The following IMPACT variants were observed in gnomAD, a reference collection of about 807,000 sequenced individuals.
IMPACT encodes impact RWD domain protein.
IMPACT carries 35 observed loss-of-function variants against 47.5 expected under a neutral mutation model. The ratio of observed to expected loss-of-function variants is 0.74; its 90% confidence interval spans 0.56 to 0.98. The LOEUF (loss-of-function observed/expected upper bound fraction) is 0.98. IMPACT is among the 50% of genes least tolerant of loss of function. The probability of loss-of-function intolerance (pLI) is 0.00; values close to 1 mark genes in which losing one functional copy is unlikely to be tolerated. For missense variants in IMPACT, 373 were observed against 394.8 expected (o/e 0.94, Z 0.47); for synonymous variants, 118 against 125.6 (o/e 0.94, Z 0.40).
chr18:24,450,367 C>T (rs1909352432), intron 10 of IMPACT, among the ~76,000 whole-genome samples: 1 of 152,172 alleles, frequency 6.6e-6, no homozygotes, highest in South Asian at 2.1e-4. Flanking sequence ...ACATCTCCCC[C>T]TTCACTGGCA....
chr18:24,449,100 C>G (rs933022605), intron 9 of IMPACT, among the ~76,000 whole-genome samples: 3 of 152,184 alleles, frequency 2.0e-5, no homozygotes, highest in Admixed American at 6.5e-5. Flanking sequence ...GTGGCTCACA[C>G]CTGTAACCCT....
In IMPACT at chr18:24,452,603, G is replaced by C. The variant is rs1055098682; in HGVS notation, c.*1756G>C. ...ACCTAAAGTCAATTGGCTGGTAAGA[G>C]GGAGAGATGCAAAATTCTCCAGCTC... On this transcript the variant is annotated 3_prime_UTR_variant, in exon 11 of 11. Transcript: ENST00000284202. 3.3e-5 allele frequency: 5 copies of C among 152,078 alleles called. No individual in the cohort carries two copies. Among genetic ancestry groups the C allele is most frequent in the African/African-American group, 9.7e-5 (4 of 41,418 alleles). The allele number at this position is 152,078 out of a possible 1,614,324, so 9.4% of individuals were successfully genotyped here.
At chr18:24,446,316 T>G (rs1052319030) in intron 8 of IMPACT, among the ~76,000 whole-genome samples, 7 of 152,194 alleles carry the variant, frequency 4.6e-5, no homozygotes, top group African/African-American at 1.4e-4. Flanking sequence ...TCTGCCAACC[T>G]TGGCCTCCCA....
rs2144353633 is a variant in IMPACT at position 24,452,415 on chromosome 18, T to G, written c.*1568T>G. 6.6e-6 allele frequency: 1 copy of G among 152,208 alleles called. No individual in the cohort carries two copies. Among genetic ancestry groups the G allele is most frequent in the South Asian group, 2.1e-4 (1 of 4,832 alleles). 9.4% of individuals were successfully genotyped at this position (152,208 alleles called of 1,614,324 possible). A position where few individuals can be genotyped will look rare whatever the true frequency, so the allele number is the denominator to read the frequency against. ...TAAAATAATTTAAAAATTAATTATTTTACATAATTAAAGAAGTTAAAAACT... is the reference window on the plus strand; with the variant it reads ...TAAAATAATTTAAAAATTAATTATTGTACATAATTAAAGAAGTTAAAAACT... On this transcript the variant is annotated 3_prime_UTR_variant, in exon 11 of 11. Transcript: ENST00000284202.
chr18:24,428,843 C>G, intron 2 of IMPACT, 26 bp from the exon 3 acceptor site: 1 of 1,591,576 alleles, frequency 6.3e-7, no homozygotes, highest in Middle Eastern at 1.7e-4. Context: ...GAAGTGTAAA[C>G]AGATGTTTTT....
At chr18:24,444,701 T>A (rs1469954167) in intron 7 of IMPACT, among the ~76,000 whole-genome samples, 2 of 152,236 alleles carry the variant, frequency 1.3e-5, no homozygotes, top group Admixed American at 1.3e-4. Context: ...GGTTGCCAGA[T>A]AAAATACAGA....
At chr18:24,439,636 C>CAAAAA (rs56036836) in intron 5 of IMPACT, 4 of 65,748 alleles carry the variant, frequency 6.1e-5, no homozygotes, top group Non-Finnish European at 8.3e-5. Context: ...GACTCCGGCT[C>CAAAAA]AAAAAAAAAA....
chr18:24,429,352 T>C (rs1267738509), intron 3 of IMPACT, among the ~76,000 whole-genome samples: 1 of 152,214 alleles, frequency 6.6e-6, no homozygotes, highest in Non-Finnish European at 1.5e-5. Context: ...CCCGTTGATG[T>C]TGACGAACCA....
chr18:24,443,626 T>C (rs1168077366), intron 7 of IMPACT, among the ~76,000 whole-genome samples: 1 of 152,078 alleles, frequency 6.6e-6, no homozygotes, highest in African/African-American at 2.4e-5. Context: ...CGAATGGGAG[T>C]TCTGTGAAAC....
intron 6 of IMPACT, among the ~76,000 whole-genome samples, chr18:24,442,447 C>G (rs1909141679): frequency 6.6e-6 from 1 of 152,112 alleles, no homozygotes; most frequent in Non-Finnish European, 1.5e-5. Flanking sequence ...GCCACCACGC[C>G]CAGCCATGAT....
At chr18:24,436,830 A>C (rs1055482739) in intron 4 of IMPACT, among the ~76,000 whole-genome samples, 3 of 152,044 alleles carry the variant, frequency 2.0e-5, no homozygotes, top group African/African-American at 7.2e-5. Flanking sequence ...TGATTACACC[A>C]CGCCCGGCTC....
At chr18:24,447,125 AT>A (rs1909268010) in intron 8 of IMPACT, among the ~76,000 whole-genome samples, 1 of 152,234 alleles carries the variant, frequency 6.6e-6, no homozygotes, top group African/African-American at 2.4e-5. Flanking sequence ...TTCATAGTAG[AT>A]GGTCAGTAAA....
At chr18:24,436,797 C>T (rs1344901617) in intron 4 of IMPACT, among the ~76,000 whole-genome samples, 1 of 152,054 alleles carries the variant, frequency 6.6e-6, no homozygotes, top group Non-Finnish European at 1.5e-5. Context: ...GTGATCTGCC[C>T]ACCCCGGCCC....
intron 7 of IMPACT, 72 bp downstream of exon 7, chr18:24,443,224 C>T: frequency 1.5e-6 from 1 of 666,108 alleles, no homozygotes; most frequent in South Asian, 2.2e-5. Flanking sequence ...GCAATAATCC[C>T]CTTGTTTTTA....
Position 24,436,097 on chromosome 18 carries a change from A to G in IMPACT, c.282-1858A>G, listed in dbSNP as rs539320141. 4.6e-5 allele frequency among the ~76,000 whole-genome samples: 7 copies of G among 152,298 alleles called. No homozygotes were observed. The South Asian group carries it at 1.4e-3, about 32-fold the overall frequency. ...AATGGGCCCATATAAAGTTTAGTCG[A>G]GCTGAGGTTAAGGCTGTTTCAGTCA... On this transcript the variant is annotated intron_variant, in intron 4 of 10. Transcript: ENST00000284202.
chr18:24,450,081 C>G, intron 10 of IMPACT, 128 bp downstream of exon 10: 1 of 945,864 alleles, frequency 1.1e-6, no homozygotes, highest in Non-Finnish European at 1.6e-6. Context: ...GACTCAGAAC[C>G]TGGAGACCTA....
intron 7 of IMPACT, among the ~76,000 whole-genome samples, chr18:24,444,997 G>A (rs973702165): frequency 6.6e-6 from 1 of 152,182 alleles, no homozygotes; most frequent in African/African-American, 2.4e-5. Flanking sequence ...AGAGAAAGAT[G>A]TGGTTTTATA....
chr18:24,436,779 G>T (rs1908956746), intron 4 of IMPACT, among the ~76,000 whole-genome samples: 1 of 151,974 alleles, frequency 6.6e-6, no homozygotes, highest in Non-Finnish European at 1.5e-5. Context: ...TCGAACTCTT[G>T]AGCTCAAGTG....
intron 4 of IMPACT, among the ~76,000 whole-genome samples, chr18:24,433,479 G>A (rs1168014035): frequency 1.3e-5 from 2 of 150,488 alleles, no homozygotes; most frequent in Non-Finnish European, 3.0e-5. Context: ...GATTACAGGC[G>A]TGAGCCACCG....
Sources: allele counts gnomAD v4.1 joint callset (sites outside exome capture counted in the v4.1 genomes callset), GRCh38; gene constraint gnomAD v4.1.1; transcripts MANE v1.5; gene names NCBI Gene and HGNC (gene_info 2026-07-23, HGNC 2026-07-21).